RGS9: variants seen among roughly 807,000 people sequenced by gnomAD.
RGS9 encodes regulator of G protein signaling 9.
Under a neutral mutation model 102.0 loss-of-function variants are expected in RGS9, and 78 were observed. The ratio of observed to expected loss-of-function variants is 0.76; its 90% CI spans 0.64 to 0.92. The LOEUF (loss-of-function observed/expected upper bound fraction) is 0.92, where lower values mean the gene tolerates loss of function less well. Ranked by LOEUF, RGS9 falls within the 40% of genes least tolerant of loss-of-function variation. RGS9 has a pLI of 0.00. For synonymous variants in RGS9, 353 were observed against 318.6 expected (o/e 1.11, Z -1.15); for missense variants, 833 against 866.1 (o/e 0.96, Z 0.48).
At chr17:65,164,308 C>T (rs896922008) in intron 7 of RGS9, among the ~76,000 whole-genome samples, 1 of 152,174 alleles carries the variant, frequency 6.6e-6, no homozygotes, top group Non-Finnish European at 1.5e-5. Flanking sequence ...ACAGGGATTT[C>T]CTGTGTGTAT....
At chr17:65,148,742 C>A (rs1454529587) in intron 1 of RGS9, among the ~76,000 whole-genome samples, 2 of 152,054 alleles carry the variant, frequency 1.3e-5, no homozygotes, top group Non-Finnish European at 2.9e-5. Context: ...AGGACAAGGG[C>A]TCCCTGTGTT....
chr17:65,199,657 C>A (rs1057344176), intron 13 of RGS9, among the ~76,000 whole-genome samples: 2 of 151,864 alleles, frequency 1.3e-5, no homozygotes, highest in Non-Finnish European at 2.9e-5. Flanking sequence ...CCATGCCCAG[C>A]TAATTTTTGT....
intron 2 of RGS9, among the ~76,000 whole-genome samples, chr17:65,156,577 A>G (rs1434441687): frequency 6.6e-6 from 1 of 152,228 alleles, no homozygotes; most frequent in East Asian, 1.9e-4. Context: ...CTCGGGACAA[A>G]GGTGGCTGAT....
At chr17:65,205,880 G>T (rs1913044186) in intron 15 of RGS9, among the ~76,000 whole-genome samples, 1 of 151,840 alleles carries the variant, frequency 6.6e-6, no homozygotes, top group South Asian at 2.1e-4. Context: ...TATCAGTTAT[G>T]TGATATAGGT....
intron 12 of RGS9, among the ~76,000 whole-genome samples, chr17:65,196,350 A>G (rs1912585054): frequency 6.6e-6 from 1 of 152,232 alleles, no homozygotes; most frequent in Non-Finnish European, 1.5e-5. Context: ...CCTAGCTGCT[A>G]CATCAGTGGG....
intron 8 of RGS9, among the ~76,000 whole-genome samples, chr17:65,171,169 T>C (rs1422781943): frequency 1.3e-5 from 2 of 152,220 alleles, no homozygotes; most frequent in East Asian, 3.8e-4. Context: ...ACTCATTCAC[T>C]TGTTCATTTG....
At chr17:65,151,355 A>C (rs1910572802) in intron 1 of RGS9, among the ~76,000 whole-genome samples, 2 of 138,892 alleles carry the variant, frequency 1.4e-5, no homozygotes, top group South Asian at 4.4e-4. Context: ...AAAAAAAAAA[A>C]AAAGAGTCCT....
rs1912266919 is a variant in RGS9, at chr17:65,189,335, C to CTAAAAAGAGGTAATT, written c.684+20_684+21insTAAAAAGAGGTAATT. ...AAAGAGGTAATTAGTCTTACACTTC[C>CTAAAAAGAGGTAATT]AGTGAAGAATGGTTTTAAATCTTCT... is the stretch of plus-strand genomic sequence containing the variant. On this transcript the variant is annotated intron_variant, in intron 10 of 18. Transcript: ENST00000262406. The CTAAAAAGAGGTAATT allele has an allele frequency of 6.3e-7, 1 of 1,587,144 alleles. No homozygotes were observed. Among genetic ancestry groups the CTAAAAAGAGGTAATT allele is most frequent in the South Asian group, 1.1e-5 (1 of 90,508 alleles).
intron 6 of RGS9, 53 bp from the exon 7 acceptor site, chr17:65,162,960 C>A: frequency 2.0e-6 from 2 of 986,472 alleles, no homozygotes; most frequent in Non-Finnish European, 3.2e-6. Context: ...TGCCCTGCGG[C>A]ACATGGCATA....
chr17:65,216,337 T>C (rs1368944676), intron 17 of RGS9, among the ~76,000 whole-genome samples: 1 of 152,090 alleles, frequency 6.6e-6, no homozygotes, highest in Non-Finnish European at 1.5e-5. Context: ...GACAGATTGG[T>C]TTTAGAATTT....
intron 13 of RGS9, 53 bp downstream of exon 13, chr17:65,197,294 C>T (rs1196384454): frequency 3.5e-6 from 4 of 1,151,854 alleles, no homozygotes; most frequent in Non-Finnish European, 5.1e-6. Flanking sequence ...TAGAAAGAGT[C>T]CTTTAATGTC....
intron 1 of RGS9, among the ~76,000 whole-genome samples, chr17:65,141,069 G>A (rs1028398141): frequency 1.1e-4 from 17 of 152,218 alleles, no homozygotes; most frequent in African/African-American, 4.1e-4. Flanking sequence ...GATTCCCGAG[G>A]TTCTCACACC....
intron 17 of RGS9, among the ~76,000 whole-genome samples, chr17:65,212,381 A>G (rs1913338154): frequency 6.6e-6 from 1 of 152,232 alleles, no homozygotes; most frequent in African/African-American, 2.4e-5. Flanking sequence ...CTGGGATAGG[A>G]AAGATGGGAT....
chr17:65,183,064 C>CTACCTATCTATT (rs1202743781), intron 9 of RGS9, among the ~76,000 whole-genome samples: 2 of 46,052 alleles, frequency 4.3e-5, no homozygotes, highest in African/African-American at 8.0e-5. Context: ...TTTTTTAAAT[C>CTACCTATCTATT]TATCTATCTA....
At chr17:65,148,353 G>A (rs1317286566) in intron 1 of RGS9, among the ~76,000 whole-genome samples, 1 of 152,190 alleles carries the variant, frequency 6.6e-6, no homozygotes, top group African/African-American at 2.4e-5. Flanking sequence ...TTTGGCTAAC[G>A]TGTATAGTGC....
chr17:65,193,274 A>AAAAAAG (rs1321691919), intron 11 of RGS9, among the ~76,000 whole-genome samples: 1 of 152,022 alleles, frequency 6.6e-6, no homozygotes, highest in Non-Finnish European at 1.5e-5. Context: ...AAAAAAAGAA[A>AAAAAAG]AAAAAGAAAA....
At position 65,207,949 on chromosome 17, in the gene RGS9, C is replaced by G; in HGVS notation, c.1231C>G (p.Pro411Ala). 6.2e-7 allele frequency: 1 copy of G among 1,613,058 alleles called. No homozygotes were observed. The highest frequency in any genetic ancestry group is 8.5e-7 in the Non-Finnish European group (1 of 1,179,248). Reference sequence around the variant, plus strand: ...TTCTTATGCTCGCTATTTAAAATCTCCGATCTATAAGGACATGCTGGCCAA... The same window carrying G: ...TTCTTATGCTCGCTATTTAAAATCTGCGATCTATAAGGACATGCTGGCCAA... ...KDSYARYLKS[P>A]IYKDMLAKAI... Residue 411 changes from proline to alanine, a missense_variant, in exon 16 of 19, where the codon CCG becomes GCG. Transcript: ENST00000262406.
chr17:65,184,025 T>C (rs1365277649), intron 9 of RGS9, among the ~76,000 whole-genome samples: 1 of 152,170 alleles, frequency 6.6e-6, no homozygotes, highest in Non-Finnish European at 1.5e-5. Context: ...CTTCCTCCTG[T>C]AGCAAAGTGT....
chr17:65,209,454 CT>C (rs1913203274), intron 16 of RGS9, among the ~76,000 whole-genome samples: 1 of 152,166 alleles, frequency 6.6e-6, no homozygotes, highest in South Asian at 2.1e-4. Flanking sequence ...TGTTGCAGGT[CT>C]TTGTCTCTTA....
Sources: allele counts gnomAD v4.1 joint callset (sites outside exome capture counted in the v4.1 genomes callset), GRCh38; gene constraint gnomAD v4.1.1; transcripts MANE v1.5; gene names NCBI Gene and HGNC (gene_info 2026-07-23, HGNC 2026-07-21).